ERC2: variants seen among roughly 807,000 people sequenced by gnomAD.
ERC2 encodes ERC protein 2.
Under a neutral mutation model 114.8 loss-of-function variants are expected in ERC2, and 42 were observed. The observed-to-expected ratio is 0.37, with a 90% CI of 0.29 to 0.47. The LOEUF (loss-of-function observed/expected upper bound fraction) is 0.47. Among genes scored for constraint, ERC2 ranks in the 20% least tolerant of loss-of-function variants. The probability of loss-of-function intolerance (pLI) is 0.99; values close to 1 mark genes in which losing one functional copy is unlikely to be tolerated. For synonymous variants in ERC2, 454 were observed against 425.5 expected (o/e 1.07, Z -0.82); for missense variants, 939 against 1,150.7 (o/e 0.82, Z 2.66).
chr3:55,691,229 A>G (rs1344588290), intron 16 of ERC2, among the ~76,000 whole-genome samples: 4 of 152,136 alleles, frequency 2.6e-5, no homozygotes, highest in African/African-American at 7.2e-5. Flanking sequence ...GACATCTGCG[A>G]TATCTTTCTA....
chr3:56,360,555 C>T (rs942890517), intron 2 of ERC2, among the ~76,000 whole-genome samples: 1 of 152,136 alleles, frequency 6.6e-6, no homozygotes, highest in Non-Finnish European at 1.5e-5. Context: ...AACCCAGCAG[C>T]AGAGAAAGCT....
chr3:55,701,884 A>T (rs2063240484), intron 15 of ERC2, among the ~76,000 whole-genome samples: 1 of 152,196 alleles, frequency 6.6e-6, no homozygotes, highest in Non-Finnish European at 1.5e-5. Context: ...GTTTCTTCTA[A>T]ATAGAATTCT....
At chr3:56,226,916 T>C (rs1227744941) in intron 3 of ERC2, among the ~76,000 whole-genome samples, 2 of 152,182 alleles carry the variant, frequency 1.3e-5, no homozygotes, top group South Asian at 2.1e-4. Context: ...TCCAAAGACA[T>C]TGGCAGCACC....
At chr3:56,331,319 G>C (rs1323553552) in intron 2 of ERC2, among the ~76,000 whole-genome samples, 2 of 152,050 alleles carry the variant, frequency 1.3e-5, no homozygotes, top group Non-Finnish European at 2.9e-5. Flanking sequence ...CCCTACTCTT[G>C]AAGTCTCCTC....
intron 14 of ERC2, among the ~76,000 whole-genome samples, chr3:55,879,099 A>ATTTTTTTTTTTTTTTTTTTTTT (rs3047064): frequency 7.8e-6 from 1 of 127,826 alleles, no homozygotes; most frequent in Non-Finnish European, 1.6e-5. Flanking sequence ...CTTTTTCTTA[A>ATTTTTTTTTTTTTTTTTTTTTT]TTTTTTTTTT....
chr3:56,061,540 T>G (rs1042521001), intron 7 of ERC2, among the ~76,000 whole-genome samples: 3 of 152,166 alleles, frequency 2.0e-5, no homozygotes, highest in Admixed American at 2.0e-4. Flanking sequence ...CTTTAAAAGA[T>G]GAATTATTCA....
At chr3:55,780,874 G>A (rs371239958) in intron 14 of ERC2, among the ~76,000 whole-genome samples, 3 of 152,304 alleles carry the variant, frequency 2.0e-5, no homozygotes, top group African/African-American at 7.2e-5. Context: ...CTGTAGCCCT[G>A]TGTTGTGTGA....
At chr3:55,957,430 A>C (rs565083396) in intron 12 of ERC2, among the ~76,000 whole-genome samples, 1 of 152,290 alleles carries the variant, frequency 6.6e-6, no homozygotes, top group East Asian at 1.9e-4. Flanking sequence ...AGGCTCTTAA[A>C]ATAGTTCCTG....
intron 1 of ERC2, among the ~76,000 whole-genome samples, chr3:56,464,215 G>T (rs2063438963): frequency 6.6e-6 from 1 of 152,256 alleles, no homozygotes; most frequent in African/African-American, 2.4e-5. Flanking sequence ...TGTGAACAGA[G>T]TCTACGTTTA....
intron 6 of ERC2, among the ~76,000 whole-genome samples, chr3:56,098,792 C>G (rs925597093): frequency 1.3e-5 from 2 of 152,118 alleles, no homozygotes; most frequent in Admixed American, 6.5e-5. Flanking sequence ...GTTTGGGGAG[C>G]CATGGCATGC....
At chr3:56,187,653 T>C (rs889379819) in intron 3 of ERC2, among the ~76,000 whole-genome samples, 16 of 152,306 alleles carry the variant, frequency 1.1e-4, no homozygotes, top group Middle Eastern at 3.4e-3. Flanking sequence ...TGAGGCTTAC[T>C]GTCTGTTATA....
chr3:56,283,368 T>G (rs545218443), intron 3 of ERC2, among the ~76,000 whole-genome samples: 2 of 152,148 alleles, frequency 1.3e-5, no homozygotes, highest in African/African-American at 2.4e-5. Flanking sequence ...TGATGGCTCA[T>G]ACCTGTAATC....
chr3:55,600,206 T>C (rs986963721), intron 17 of ERC2, among the ~76,000 whole-genome samples: 3 of 152,144 alleles, frequency 2.0e-5, no homozygotes, highest in Admixed American at 2.0e-4. Flanking sequence ...GGATAATAGA[T>C]GCTCTAGAAA....
chr3:56,393,888 C>G (rs574272115), intron 2 of ERC2, among the ~76,000 whole-genome samples: 147 of 152,182 alleles, frequency 9.7e-4, no homozygotes, highest in African/African-American at 3.3e-3. Context: ...TCTTGACCCC[C>G]TGATCACCTG....
chr3:56,261,280 C>T (rs1322824571), intron 3 of ERC2, among the ~76,000 whole-genome samples: 1 of 152,186 alleles, frequency 6.6e-6, no homozygotes, highest in Non-Finnish European at 1.5e-5. Flanking sequence ...TTAAACACTC[C>T]AGAACATATT....
chr3:55,856,192 G>A (rs898778012), intron 14 of ERC2, among the ~76,000 whole-genome samples: 2 of 152,182 alleles, frequency 1.3e-5, no homozygotes, highest in African/African-American at 2.4e-5. Flanking sequence ...CCAGTTTTGT[G>A]TCTTTAGACA....
At chr3:56,088,040 T>G in intron 6 of ERC2, among the ~76,000 whole-genome samples, 1 of 152,234 alleles carries the variant, frequency 6.6e-6, no homozygotes, top group Middle Eastern at 3.4e-3. Flanking sequence ...TTTGGGAAGA[T>G]GAAACGCTGT....
intron 13 of ERC2, among the ~76,000 whole-genome samples, chr3:55,921,201 A>G (rs1157402610): frequency 6.6e-6 from 1 of 152,126 alleles, no homozygotes; most frequent in Non-Finnish European, 1.5e-5. Flanking sequence ...AACCTTAATT[A>G]CCCACCAACA....
chr3:55,581,633 G>A (rs2057267344), intron 17 of ERC2, among the ~76,000 whole-genome samples: 3 of 152,150 alleles, frequency 2.0e-5, no homozygotes, highest in Admixed American at 2.0e-4. Context: ...TCCAATTCAT[G>A]GACAAGCTTC....
Sources: allele counts gnomAD v4.1 joint callset (sites outside exome capture counted in the v4.1 genomes callset), GRCh38; gene constraint gnomAD v4.1.1; transcripts MANE v1.5; gene names NCBI Gene and HGNC (gene_info 2026-07-23, HGNC 2026-07-21).